Variants in RAP1A observed in about 807,000 individuals in gnomAD.
RAP1A encodes RAP1A, member of RAS oncogene family, also known as ras-related protein Rap-1A.
RAP1A carries 6 observed loss-of-function variants against 26.4 expected under a neutral mutation model. The ratio of observed to expected loss-of-function variants is 0.23; its 90% CI spans 0.12 to 0.45. The LOEUF (loss-of-function observed/expected upper bound fraction) is 0.45. Among genes scored for constraint, RAP1A ranks in the 20% least tolerant of loss-of-function variants. The pLI, the probability that RAP1A is intolerant of heterozygous loss-of-function variation, is 0.99. For synonymous variants in RAP1A, 73 were observed against 79.4 expected (o/e 0.92, Z 0.43); for missense variants, 121 against 217.2 (o/e 0.56, Z 2.78).
At chr1:111,687,268 C>A (rs1661514882) in intron 1 of RAP1A, among the ~76,000 whole-genome samples, 1 of 147,990 alleles carries the variant, frequency 6.8e-6, no homozygotes, top group Non-Finnish European at 1.5e-5. Flanking sequence ...AGTGCAGTGG[C>A]ATAATCTTGG....
intron 1 of RAP1A, among the ~76,000 whole-genome samples, chr1:111,595,896 G>A (rs535979059): frequency 8.5e-5 from 13 of 152,244 alleles, no homozygotes; most frequent in South Asian, 4.1e-4. Context: ...ACTTCTAAAT[G>A]ATTATTTCAT....
intron 1 of RAP1A, among the ~76,000 whole-genome samples, chr1:111,602,833 A>G (rs1658697777): frequency 6.6e-6 from 1 of 152,218 alleles, no homozygotes; most frequent in South Asian, 2.1e-4. Flanking sequence ...GCCCCTTTCC[A>G]AAGTTGAAGG....
chr1:111,629,292 A>G (rs1659497053), intron 1 of RAP1A, among the ~76,000 whole-genome samples: 1 of 152,176 alleles, frequency 6.6e-6, no homozygotes, highest in African/African-American at 2.4e-5. Flanking sequence ...TAATTAAAAA[A>G]AGAGAGTTTG....
intron 1 of RAP1A, among the ~76,000 whole-genome samples, chr1:111,624,980 T>C (rs1659347776): frequency 6.6e-6 from 1 of 152,220 alleles, no homozygotes; most frequent in African/African-American, 2.4e-5. Flanking sequence ...TTCTTACCTC[T>C]AACCTATTTA....
At chr1:111,561,555 A>G (rs1455371925) in intron 1 of RAP1A, among the ~76,000 whole-genome samples, 4 of 152,198 alleles carry the variant, frequency 2.6e-5, no homozygotes, top group South Asian at 4.1e-4. Context: ...TGAGATACAG[A>G]GGTCATAGTC....
intron 1 of RAP1A, among the ~76,000 whole-genome samples, chr1:111,622,866 T>C (rs1168576025): frequency 6.6e-6 from 1 of 152,208 alleles, no homozygotes; most frequent in African/African-American, 2.4e-5. Context: ...ATTGTTTGTA[T>C]TGTAATAGTT....
At chr1:111,687,753 C>T (rs1661529711) in intron 1 of RAP1A, among the ~76,000 whole-genome samples, 1 of 151,904 alleles carries the variant, frequency 6.6e-6, no homozygotes, top group South Asian at 2.1e-4. Flanking sequence ...CTGGCTCATG[C>T]CTGTAATCCC....
intron 1 of RAP1A, among the ~76,000 whole-genome samples, chr1:111,660,311 C>A (rs959306111): frequency 6.6e-6 from 1 of 152,166 alleles, no homozygotes; most frequent in South Asian, 2.1e-4. Flanking sequence ...GATGTTTTCC[C>A]CCCCTCTGGC....
intron 1 of RAP1A, among the ~76,000 whole-genome samples, chr1:111,686,129 T>TG (rs796716810): frequency 1.1e-3 from 38 of 33,490 alleles, no homozygotes; most frequent in African/African-American, 4.0e-3. Flanking sequence ...TGTCGGGGGG[T>TG]GGGGGGCAAG....
intron 1 of RAP1A, among the ~76,000 whole-genome samples, chr1:111,652,689 G>A (rs1176143694): frequency 6.6e-6 from 1 of 152,032 alleles, no homozygotes; most frequent in Admixed American, 6.5e-5. Context: ...CACTAGGAAG[G>A]CTGTAATTTA....
Position 111,691,317 on chromosome 1 carries a change from TTTTG to T in RAP1A, c.-27-9_-27-6del, listed in dbSNP as rs770899102. 1.3e-6 allele frequency: 2 copies of T among 1,545,062 alleles called. No individual in the cohort carries two copies. Among genetic ancestry groups the T allele is most frequent in the South Asian group, 1.1e-5 (1 of 88,922 alleles). On this transcript the variant is annotated splice_polypyrimidine_tract_variant and intron_variant, in intron 1 of 7. Coordinates refer to ENST00000369709, the MANE Select transcript of RAP1A (RefSeq NM_002884.4). ...TAGCATGTTTCTTAATCTTTGATTT[TTTTG>T]TTTGTTTTTCAGATCGTCAGTATTT... is the stretch of plus-strand genomic sequence containing the variant.
intron 2 of RAP1A, among the ~76,000 whole-genome samples, chr1:111,692,886 C>T (rs1461884232): frequency 6.6e-6 from 1 of 152,116 alleles, no homozygotes; most frequent in African/African-American, 2.4e-5. Flanking sequence ...GATTGGATAG[C>T]TGGGAACAAG....
At chr1:111,583,965 C>T (rs1332445720) in intron 1 of RAP1A, among the ~76,000 whole-genome samples, 1 of 149,564 alleles carries the variant, frequency 6.7e-6, no homozygotes, top group Non-Finnish European at 1.5e-5. Flanking sequence ...ACTGCAACGT[C>T]CGCCTCCCAG....
intron 1 of RAP1A, among the ~76,000 whole-genome samples, chr1:111,663,872 T>TA (rs377052850): frequency 9.4e-5 from 14 of 148,482 alleles, no homozygotes; most frequent in East Asian, 7.8e-4. Context: ...AAAAGGCACT[T>TA]AAAAAAAAAA....
intron 1 of RAP1A, among the ~76,000 whole-genome samples, chr1:111,675,161 T>C (rs1239862753): frequency 6.6e-6 from 1 of 152,134 alleles, no homozygotes; most frequent in Non-Finnish European, 1.5e-5. Flanking sequence ...TTTGCTTAGC[T>C]CTTCATATGA....
chr1:111,554,996 T>G (rs1215193163), intron 1 of RAP1A, among the ~76,000 whole-genome samples: 1 of 151,730 alleles, frequency 6.6e-6, no homozygotes, highest in East Asian at 1.9e-4. Flanking sequence ...TACAGAATAT[T>G]TTTTAAGTAT....
At chr1:111,676,041 C>T (rs1231039827) in intron 1 of RAP1A, among the ~76,000 whole-genome samples, 1 of 152,112 alleles carries the variant, frequency 6.6e-6, no homozygotes, top group East Asian at 1.9e-4. Flanking sequence ...CTAGCCCTGC[C>T]CTTGACACGT....
chr1:111,703,406 C>A lies in RAP1A; in HGVS notation c.254C>A (p.Thr85Lys). ...GQGFALVYSI[T>K]AQSTFNDLQD... ...GGTTTTGCACTAGTATATTCTATTACAGCTCAGTCCACGTTTAACGACTTA... is the reference window on the plus strand; with the variant it reads ...GGTTTTGCACTAGTATATTCTATTAAAGCTCAGTCCACGTTTAACGACTTA... Residue 85 changes from threonine to lysine, a missense_variant, in exon 5 of 8, where the codon ACA (threonine) becomes AAA (lysine). Thr to Lys is a moderately conservative substitution (Grantham distance 78). Transcript: ENST00000369709. 2 of 1,605,024 alleles carry A rather than the reference C, an allele frequency of 1.2e-6. No individual in the cohort carries two copies. Among genetic ancestry groups the A allele is most frequent in the Non-Finnish European group, 1.7e-6 (2 of 1,173,384 alleles).
chr1:111,575,919 A>G lies in RAP1A; in HGVS notation c.-28+33410A>G, dbSNP rs375627850. Among the ~76,000 whole-genome samples the G allele has an allele frequency of 3.0e-3, 450 of 152,344 alleles. 21 individuals carry two copies. In the South Asian group the frequency reaches 0.089, roughly 30 times the overall value. The stretch of plus-strand genomic sequence containing the variant: ...TCAGTAAATATTTCTAATACTAAAA[A>G]TATCTGAGCAGGGCACTGAAAAATA... On this transcript the variant is annotated intron_variant, in intron 1 of 7. Transcript: ENST00000356415.
Sources: gnomAD v4.1 joint callset for allele counts (sites outside exome capture counted in the v4.1 genomes callset) on GRCh38, gnomAD v4.1.1 for gene constraint, MANE v1.5 for transcripts, NCBI Gene and HGNC (gene_info 2026-07-23, HGNC 2026-07-21) for gene names.